Variants in JMJD1C observed in about 807,000 individuals in gnomAD.
JMJD1C encodes the protein jumonji domain-containing protein 1C.
In JMJD1C, 31 loss-of-function variants were observed where a neutral mutation model predicts 245.3. The observed-to-expected ratio is 0.13, with a 90% CI of 0.09 to 0.17. JMJD1C has a LOEUF of 0.17. JMJD1C is among the 10% of genes least tolerant of loss of function. JMJD1C has a pLI of 1.00. For synonymous variants in JMJD1C, 1,057 were observed against 1,017.4 expected, an observed-to-expected ratio of 1.04 and a Z score of -0.74; for missense variants, 2,691 against 3,000.2, an observed-to-expected ratio of 0.90 and a Z score of 2.41.
intron 1 of JMJD1C, among the ~76,000 whole-genome samples, chr10:63,474,358 A>G (rs1374209842): frequency 6.6e-6 from 1 of 152,220 alleles, no homozygotes; most frequent in Non-Finnish European, 1.5e-5. Flanking sequence ...GCCGTGAAGA[A>G]AAGTGTTTTA....
intron 3 of JMJD1C, among the ~76,000 whole-genome samples, chr10:63,258,562 C>T (rs1421236497): frequency 6.6e-6 from 1 of 152,194 alleles, no homozygotes; most frequent in Non-Finnish European, 1.5e-5. Flanking sequence ...AATACTTCAA[C>T]ACCAATTATG....
At chr10:63,408,267 G>A (rs1949283814) in intron 1 of JMJD1C, among the ~76,000 whole-genome samples, 1 of 152,058 alleles carries the variant, frequency 6.6e-6, no homozygotes, top group Admixed American at 6.6e-5. Context: ...GCTGGGCGTG[G>A]AGGCGGGCGC....
At chr10:63,366,901 G>A (rs185625932) in intron 2 of JMJD1C, among the ~76,000 whole-genome samples, 4 of 152,248 alleles carry the variant, frequency 2.6e-5, no homozygotes, top group East Asian at 1.9e-4. Context: ...AAACAGAAAC[G>A]CAAATCCTAA....
intron 2 of JMJD1C, among the ~76,000 whole-genome samples, chr10:63,362,264 A>T (rs1443331200): frequency 6.6e-6 from 1 of 151,404 alleles, no homozygotes; most frequent in East Asian, 1.9e-4. Context: ...CACTAGTTTG[A>T]AAGAAGTGTT....
chr10:63,200,389 C>G (rs770931111), intron 11 of JMJD1C, 87 bp downstream of exon 11: 4 of 964,484 alleles, frequency 4.1e-6, no homozygotes, highest in Non-Finnish European at 6.4e-6. Flanking sequence ...ACTCCCCCAT[C>G]CAAAAGGGAC....
At chr10:63,366,399 C>T (rs971952122) in intron 2 of JMJD1C, among the ~76,000 whole-genome samples, 7 of 152,116 alleles carry the variant, frequency 4.6e-5, no homozygotes, top group African/African-American at 1.7e-4. Flanking sequence ...TCTCTCTTCC[C>T]TTGGCTGATT....
chr10:63,420,302 C>G (rs1280625453), intron 1 of JMJD1C, among the ~76,000 whole-genome samples: 1 of 152,036 alleles, frequency 6.6e-6, no homozygotes, highest in Non-Finnish European at 1.5e-5. Flanking sequence ...TTCTGTAAAA[C>G]TAAATGCCAA....
intron 3 of JMJD1C, among the ~76,000 whole-genome samples, chr10:63,251,413 A>G (rs1853052620): frequency 6.6e-6 from 1 of 152,210 alleles, no homozygotes; most frequent in Non-Finnish European, 1.5e-5. Context: ...ATATATTAGT[A>G]TTCCTATTTA....
intron 13 of JMJD1C, 28 bp from the exon 14 acceptor site, chr10:63,194,403 C>A (rs765053702): frequency 1.8e-5 from 24 of 1,348,928 alleles, no homozygotes; most frequent in Non-Finnish European, 2.4e-5. Flanking sequence ...TTGTATATCA[C>A]ACTCATGGTT....
intron 2 of JMJD1C, among the ~76,000 whole-genome samples, chr10:63,327,242 A>C: frequency 6.6e-6 from 1 of 152,206 alleles, no homozygotes; most frequent in Non-Finnish European, 1.5e-5. Context: ...GGCAAGTGTT[A>C]TGAGAACACA....
intron 1 of JMJD1C, among the ~76,000 whole-genome samples, chr10:63,438,458 C>T (rs1461713249): frequency 6.6e-6 from 1 of 152,184 alleles, no homozygotes; most frequent in African/African-American, 2.4e-5. Context: ...ATCTGCCTCA[C>T]CCCACACCCC....
At chr10:63,443,186 C>T (rs10437345) in intron 1 of JMJD1C, among the ~76,000 whole-genome samples, 128,115 of 152,208 alleles carry the variant, frequency 0.84, 54,338 homozygotes, top group African/African-American at 0.89. Flanking sequence ...AACCACCAAA[C>T]AGAAGAAATG....
chr10:63,485,091 T>A (rs1953953308), intron 1 of JMJD1C, among the ~76,000 whole-genome samples: 1 of 151,256 alleles, frequency 6.6e-6, no homozygotes. Flanking sequence ...AAATAAATAA[T>A]TTATTTATAA....
At chr10:63,468,550 A>C (rs1309245459), upstream of JMJD1C, among the ~76,000 whole-genome samples, 2 of 152,268 alleles carry the variant, frequency 1.3e-5, no homozygotes, top group African/African-American at 4.8e-5. Context: ...ACTCGGAAAC[A>C]GAAGAGTAAT....
chr10:63,180,157 G>A (rs1382373238), intron 22 of JMJD1C, among the ~76,000 whole-genome samples: 2 of 151,886 alleles, frequency 1.3e-5, no homozygotes, highest in Non-Finnish European at 2.9e-5. Flanking sequence ...ACAGGCACCC[G>A]CCACCATGCC....
chr10:63,204,338 C>T, intron 10 of JMJD1C: 2 of 985,354 alleles, frequency 2.0e-6, no homozygotes, highest in Non-Finnish European at 2.4e-6. Flanking sequence ...GAAAAAAAGG[C>T]ACTCATTCTG....
chr10:63,305,608 G>A (rs968679602), intron 2 of JMJD1C, among the ~76,000 whole-genome samples: 1 of 143,764 alleles, frequency 7.0e-6, no homozygotes, highest in East Asian at 2.0e-4. Context: ...CTGGGACTAC[G>A]GGCAAGCACC....
At chr10:63,201,761 C>G (rs1032204783) in intron 10 of JMJD1C, among the ~76,000 whole-genome samples, 5 of 151,886 alleles carry the variant, frequency 3.3e-5, no homozygotes, top group African/African-American at 1.2e-4. Context: ...GAAATCCCGT[C>G]TCTACTAAAA....
chr10:63,460,045 T>G (rs1280944536), intron 1 of JMJD1C, among the ~76,000 whole-genome samples: 2 of 152,188 alleles, frequency 1.3e-5, no homozygotes, highest in African/African-American at 4.8e-5. Context: ...TTGGAATCCC[T>G]CCGACTGGAT....
Sources: gnomAD v4.1 joint callset for allele counts (sites outside exome capture counted in the v4.1 genomes callset) on GRCh38, gnomAD v4.1.1 for gene constraint, MANE v1.5 for transcripts, NCBI Gene and HGNC (gene_info 2026-07-23, HGNC 2026-07-21) for gene names.